The following NUGGC variants were observed in gnomAD, a reference collection of about 807,000 sequenced individuals.
NUGGC encodes nuclear GTPase, germinal center associated, also known as nuclear GTPase SLIP-GC.
Under a neutral mutation model 92.6 loss-of-function variants are expected in NUGGC, and 58 were observed. The ratio of observed to expected loss-of-function variants is 0.63; its 90% CI spans 0.51 to 0.78. The LOEUF is 0.78. Among genes scored for constraint, NUGGC ranks in the 30% least tolerant of loss-of-function variants. The pLI is 0.00. For synonymous variants in NUGGC, 376 were observed against 366.4 expected (o/e 1.03, Z -0.30); for missense variants, 925 against 964.6 (o/e 0.96, Z 0.54).
intron 17 of NUGGC, among the ~76,000 whole-genome samples, chr8:28,028,483 G>C (rs1809326162): frequency 6.6e-6 from 1 of 152,240 alleles, no homozygotes; most frequent in South Asian, 2.1e-4. Context: ...GGTGGACTGA[G>C]ATAGCAATAG....
intron 1 of NUGGC, among the ~76,000 whole-genome samples, chr8:28,079,678 C>T (rs981963748): frequency 1.6e-4 from 24 of 152,294 alleles, no homozygotes; most frequent in African/African-American, 5.8e-4. Flanking sequence ...GTTCAATGTT[C>T]TTTTCATCAC....
chr8:28,076,158 T>G (rs559524324), intron 1 of NUGGC, among the ~76,000 whole-genome samples: 4 of 152,336 alleles, frequency 2.6e-5, no homozygotes, highest in African/African-American at 9.6e-5. Context: ...AGGACTGCAT[T>G]TTTTTCAGTG....
At chr8:28,025,912 T>C (rs1299922810) in intron 18 of NUGGC, among the ~76,000 whole-genome samples, 1 of 152,126 alleles carries the variant, frequency 6.6e-6, no homozygotes, top group African/African-American at 2.4e-5. Flanking sequence ...GCCTTCCAGT[T>C]CCCCTCCTTA....
intron 1 of NUGGC, among the ~76,000 whole-genome samples, chr8:28,074,665 G>A (rs569833285): frequency 5.3e-5 from 8 of 152,262 alleles, no homozygotes; most frequent in South Asian, 2.1e-4. Flanking sequence ...TAGGCCAGGC[G>A]CAGTGGCTCA....
chr8:28,067,401 C>T (rs1477233496), intron 6 of NUGGC, 113 bp downstream of exon 6: 14 of 703,686 alleles, frequency 2.0e-5, no homozygotes, highest in African/African-American at 3.6e-5. Context: ...TGGGTAGCAA[C>T]TTATTTCTTA....
At chr8:28,050,520 T>C (rs563667553) in intron 10 of NUGGC, among the ~76,000 whole-genome samples, 1 of 152,128 alleles carries the variant, frequency 6.6e-6, no homozygotes, top group East Asian at 1.9e-4. Context: ...GTAATATCAA[T>C]CATGACCCAG....
chr8:28,064,721 A>C lies in NUGGC; in HGVS notation c.722T>G (p.Leu241Arg), dbSNP rs1207429519. The C allele has an allele frequency of 1.2e-6, 2 of 1,613,666 alleles. No individual in the cohort carries two copies. Among genetic ancestry groups the C allele is most frequent in the Non-Finnish European group, 1.7e-6 (2 of 1,179,728 alleles). Residue 241 changes from leucine to arginine, a missense_variant, in exon 7 of 19, where the codon CTG becomes CGG. Transcript: ENST00000413272. ...ITLKAEEAEE[L>R]SIKLDPYIRT... ...GATGTAGGGGTCCAGCTTGATGGAC[A>C]GCTCTTCTGCCTGAAGAAGGAGGAC...
chr8:28,049,275 C>T (rs1010240156), intron 10 of NUGGC, among the ~76,000 whole-genome samples: 1 of 152,016 alleles, frequency 6.6e-6, no homozygotes, highest in African/African-American at 2.4e-5. Flanking sequence ...GCTGAAGTTG[C>T]AAAAAGAATC....
At position 28,041,033 on chromosome 8, in the gene NUGGC, C is replaced by T; in HGVS notation, c.1611+18G>A. On this transcript the variant is annotated intron_variant, in intron 13 of 18. Transcript: ENST00000413272. The stretch of plus-strand genomic sequence containing the variant: ...GGCCTCCTGGAATATCTGAGTTTTC[C>T]CTGGAAGGGTCACTCACCACCAAGC... 3 of 1,585,282 alleles carry T rather than the reference C, an allele frequency of 1.9e-6. No individual in the cohort carries two copies. The highest frequency in any genetic ancestry group is 1.1e-5 in the South Asian group (1 of 87,064).
chr8:28,060,365 C>T (rs1440802024), intron 8 of NUGGC, 61 bp downstream of exon 8: 34 of 1,491,074 alleles, frequency 2.3e-5, no homozygotes, highest in Non-Finnish European at 1.9e-5. Flanking sequence ...CTACTGTAGT[C>T]AGGACCCACA....
chr8:28,059,433 C>A (rs1415181094), intron 8 of NUGGC, among the ~76,000 whole-genome samples: 2 of 152,234 alleles, frequency 1.3e-5, no homozygotes, highest in Non-Finnish European at 2.9e-5. Context: ...AAAATGCATA[C>A]CTTTCATTGT....
intron 1 of NUGGC, 88 bp downstream of exon 1, chr8:28,083,687 A>G (rs1810904513): frequency 6.6e-6 from 1 of 152,216 alleles, no homozygotes; most frequent in Admixed American, 6.5e-5. Flanking sequence ...ATATTCCTGT[A>G]AACTCAAAAC....
chr8:28,060,117 A>G (rs1810259411), intron 8 of NUGGC, among the ~76,000 whole-genome samples: 1 of 151,996 alleles, frequency 6.6e-6, no homozygotes, highest in Admixed American at 6.5e-5. Context: ...AGCAGGTGGG[A>G]TCATCACATC....
intron 10 of NUGGC, among the ~76,000 whole-genome samples, chr8:28,048,016 C>A (rs1809885082): frequency 6.6e-6 from 1 of 152,218 alleles, no homozygotes; most frequent in Non-Finnish European, 1.5e-5. Flanking sequence ...CAGCACACAT[C>A]ACTTTCCTAC....
rs1810908079 is a variant in NUGGC at position 28,083,821 on chromosome 8, A to C, written c.-93T>G. 6.6e-6 allele frequency: 1 copy of C among 151,954 alleles called. No individual in the cohort carries two copies. The highest frequency in any genetic ancestry group is 2.4e-5 in the African/African-American group (1 of 41,376). 9.4% of individuals were successfully genotyped at this position (151,954 alleles called of 1,614,324 possible). A position where few individuals can be genotyped will look rare whatever the true frequency, so the allele number is the denominator to read the frequency against. ...AAAAAAAAAAAGTTCTGGTTTGGTTACAGGAGTCCACAGAGGAGATGGTGG... is the reference window on the plus strand; with the variant it reads ...AAAAAAAAAAAGTTCTGGTTTGGTTCCAGGAGTCCACAGAGGAGATGGTGG... On this transcript the variant is annotated 5_prime_UTR_variant, in exon 1 of 19. Coordinates refer to ENST00000413272, the MANE Select transcript of NUGGC (RefSeq NM_001010906.2).
intron 1 of NUGGC, among the ~76,000 whole-genome samples, chr8:28,076,357 G>A (rs550168232): frequency 1.3e-5 from 2 of 152,278 alleles, no homozygotes; most frequent in African/African-American, 4.8e-5. Context: ...GGAATGCAGC[G>A]GCACAATCTC....
At chr8:28,048,428 G>A (rs1287230045) in intron 10 of NUGGC, among the ~76,000 whole-genome samples, 1 of 143,526 alleles carries the variant, frequency 7.0e-6, no homozygotes, top group Non-Finnish European at 1.5e-5. Flanking sequence ...TTTGTTTTGG[G>A]GGATTTTTTT....
intron 9 of NUGGC, among the ~76,000 whole-genome samples, chr8:28,057,845 T>C (rs923986329): frequency 6.6e-6 from 1 of 152,176 alleles, no homozygotes; most frequent in Non-Finnish European, 1.5e-5. Context: ...CACTAATCTC[T>C]ACATTGTTCA....
chr8:28,025,390 G>A (rs1809231809), intron 18 of NUGGC, among the ~76,000 whole-genome samples: 1 of 152,202 alleles, frequency 6.6e-6, no homozygotes, highest in Non-Finnish European at 1.5e-5. Context: ...AAACTGAGGG[G>A]AGCACCATCT....
Sources: allele counts gnomAD v4.1 joint callset (sites outside exome capture counted in the v4.1 genomes callset), GRCh38; gene constraint gnomAD v4.1.1; transcripts MANE v1.5; gene names NCBI Gene and HGNC (gene_info 2026-07-23, HGNC 2026-07-21).